The following COL19A1 variants were observed in gnomAD, a reference collection of about 807,000 sequenced individuals.
COL19A1 encodes collagen type XIX alpha 1 chain.
COL19A1 carries 159 observed loss-of-function variants against 190.2 expected under a neutral mutation model. The observed-to-expected ratio is 0.84, with a 90% CI of 0.73 to 0.95. The LOEUF is 0.95. Ranked by LOEUF, COL19A1 falls within the 40% of genes least tolerant of loss-of-function variation. The pLI is 0.00. For synonymous variants in COL19A1, 509 were observed against 458.9 expected, an observed-to-expected ratio of 1.11 and a Z score of -1.39; for missense variants, 1,418 against 1,431.9, an observed-to-expected ratio of 0.99 and a Z score of 0.16.
In COL19A1 at chr6:70,182,045, A is replaced by G. The variant is rs144540005; in HGVS notation, c.2775+1522A>G. The stretch of plus-strand genomic sequence containing the variant: ...AAATCCACTGGAGCTTTTGTAGCAA[A>G]TAATGAAAATGATTGAACATTTTGA... On this transcript the variant is annotated intron_variant, in intron 44 of 50. Coordinates refer to ENST00000620364, the MANE Select transcript of COL19A1 (RefSeq NM_001858.6). 6.6e-5 allele frequency among the ~76,000 whole-genome samples: 10 copies of G among 152,380 alleles called. No homozygotes were observed. The East Asian group carries it at 1.9e-3, about 29-fold the overall frequency.
rs1041653577 is a variant in COL19A1, at chr6:70,034,267, C to T, written c.1103C>T (p.Pro368Leu). ...GENGLKGDLG[P>L]HGPPGPKGEK... ...CAGGGTTTGAAAGGTGACTTGGGTC[C>T]TCATGGTCCACCTGGCCCAAAAGGA... The change falls in exon 13 of 51, where the codon CCT becomes CTT. Residue 368 changes from proline (P) to leucine (L), a missense_variant. Transcript: ENST00000620364. The T allele has an allele frequency of 6.2e-6, 10 of 1,612,928 alleles. No individual in the cohort carries two copies. The highest frequency in any genetic ancestry group is 2.2e-5 in the South Asian group (2 of 91,054).
At chr6:70,151,965 T>G in intron 31 of COL19A1, among the ~76,000 whole-genome samples, 1 of 152,030 alleles carries the variant, frequency 6.6e-6, no homozygotes, top group East Asian at 1.9e-4. Flanking sequence ...GTTACTCTGT[T>G]CAATAAAAAT....
chr6:69,973,260 T>C (rs867028949), intron 11 of COL19A1, among the ~76,000 whole-genome samples: 19 of 152,272 alleles, frequency 1.2e-4, no homozygotes, highest in Middle Eastern at 6.8e-3. Context: ...TAGCTTTTGG[T>C]CTTCCCTTTC....
At chr6:70,178,910 G>A (rs963741198) in intron 42 of COL19A1, among the ~76,000 whole-genome samples, 4 of 152,136 alleles carry the variant, frequency 2.6e-5, no homozygotes, top group South Asian at 4.1e-4. Context: ...TGGGGCCTCC[G>A]GTCAGCATGC....
At chr6:70,151,213 A>G (rs890348639) in intron 30 of COL19A1, among the ~76,000 whole-genome samples, 184 bp from the exon 31 acceptor site, 2 of 152,178 alleles carry the variant, frequency 1.3e-5, no homozygotes, top group African/African-American at 4.8e-5. Flanking sequence ...ATTTGTTCTG[A>G]ATTCTATCAG....
chr6:70,094,734 T>G (rs990044204), intron 15 of COL19A1, among the ~76,000 whole-genome samples: 2 of 152,192 alleles, frequency 1.3e-5, no homozygotes, highest in African/African-American at 4.8e-5. Context: ...ATTAGGTTAT[T>G]TTTACTGTTG....
chr6:69,903,038 A>T (rs1481349460), intron 4 of COL19A1, among the ~76,000 whole-genome samples: 1 of 152,200 alleles, frequency 6.6e-6, no homozygotes, highest in Non-Finnish European at 1.5e-5. Flanking sequence ...TCAGTGACTA[A>T]CTAGCTAATT....
At chr6:70,121,088 G>T (rs994745763) in intron 16 of COL19A1, among the ~76,000 whole-genome samples, 2 of 152,090 alleles carry the variant, frequency 1.3e-5, no homozygotes, top group African/African-American at 4.8e-5. Context: ...TTGAGTTCTG[G>T]ATGAAATGTG....
At chr6:70,038,576 A>C (rs1307869343) in intron 14 of COL19A1, among the ~76,000 whole-genome samples, 1 of 152,200 alleles carries the variant, frequency 6.6e-6, no homozygotes, top group Non-Finnish European at 1.5e-5. Context: ...AAATGGAGAG[A>C]ATTAGGGCTA....
At chr6:69,996,996 T>A (rs1032698777) in intron 11 of COL19A1, among the ~76,000 whole-genome samples, 6 of 133,584 alleles carry the variant, frequency 4.5e-5, no homozygotes, top group African/African-American at 1.9e-4. Context: ...TACGTATGTG[T>A]GTGTGTGTTT....
At chr6:69,868,706 A>T (rs1253542701) in intron 1 of COL19A1, among the ~76,000 whole-genome samples, 1 of 152,246 alleles carries the variant, frequency 6.6e-6, no homozygotes, top group Non-Finnish European at 1.5e-5. Context: ...TCATCTCTAT[A>T]TCTGAATCAT....
chr6:69,945,121 G>A (rs924159676), intron 9 of COL19A1, among the ~76,000 whole-genome samples: 1 of 151,916 alleles, frequency 6.6e-6, no homozygotes, highest in Non-Finnish European at 1.5e-5. Context: ...TTGAACCTGA[G>A]GGGAAGTGTT....
intron 12 of COL19A1, among the ~76,000 whole-genome samples, chr6:70,024,616 G>GTGTGT (rs1562096140): frequency 9.2e-5 from 11 of 120,112 alleles, no homozygotes; most frequent in East Asian, 3.0e-4. Flanking sequence ...TGTGTGTGTG[G>GTGTGT]GTGTGTGGGT....
chr6:70,003,891 T>C (rs1443367405), intron 11 of COL19A1, among the ~76,000 whole-genome samples: 4 of 152,222 alleles, frequency 2.6e-5, no homozygotes, highest in African/African-American at 9.6e-5. Flanking sequence ...AGTATTGTTA[T>C]GTGTGAATTT....
intron 7 of COL19A1, 51 bp downstream of exon 7, chr6:69,932,914 T>C (rs1273698603): frequency 8.1e-7 from 1 of 1,232,928 alleles, no homozygotes; most frequent in Non-Finnish European, 1.2e-6. Flanking sequence ...AATTATCTTT[T>C]AGTGGCATAG....
Position 70,027,649 on chromosome 6 carries a change from A to C in COL19A1, c.1080+3969A>C, listed in dbSNP as rs566018904. 2.6e-5 allele frequency among the ~76,000 whole-genome samples: 4 copies of C among 152,274 alleles called. No individual in the cohort carries two copies. In the East Asian group the frequency reaches 7.7e-4, roughly 29 times the overall value. On this transcript the variant is annotated intron_variant, in intron 12 of 50. Coordinates refer to ENST00000620364, the MANE Select transcript of COL19A1 (RefSeq NM_001858.6). ...TATTACTAAACAAATGCATGCTCAT[A>C]TGTCCATTCTAGTTTAAATAATGCA...
chr6:70,018,200 T>C lies in COL19A1; in HGVS notation c.1027-5427T>C, dbSNP rs750857363. Among the ~76,000 whole-genome samples, 83 of 152,198 alleles carry C rather than the reference T, an allele frequency of 5.5e-4. 1 individual carries two copies. Among genetic ancestry groups the C allele is most frequent in the African/African-American group, 1.9e-3 (80 of 41,560 alleles). On this transcript the variant is annotated intron_variant, in intron 11 of 50. Coordinates refer to ENST00000620364, the MANE Select transcript of COL19A1 (RefSeq NM_001858.6). Reference sequence around the variant, plus strand: ...TAAACAGTAAGGAATAATTGTTCCATGTAGAAGAGTAAAGAATGGTTTTAA... The same window carrying C: ...TAAACAGTAAGGAATAATTGTTCCACGTAGAAGAGTAAAGAATGGTTTTAA...
intron 16 of COL19A1, among the ~76,000 whole-genome samples, chr6:70,102,834 C>A (rs561204336): frequency 9.2e-5 from 14 of 152,296 alleles, no homozygotes; most frequent in African/African-American, 3.1e-4. Context: ...TGGTCACCAA[C>A]AATCTCTGCA....
intron 42 of COL19A1, among the ~76,000 whole-genome samples, chr6:70,177,100 G>C (rs150182517): frequency 1.3e-4 from 20 of 151,940 alleles, no homozygotes; most frequent in Admixed American, 9.2e-4. Flanking sequence ...TCTCATCAAG[G>C]CCTTTTCAAA....
Sources: gnomAD v4.1 joint callset for allele counts (sites outside exome capture counted in the v4.1 genomes callset) on GRCh38, gnomAD v4.1.1 for gene constraint, MANE v1.5 for transcripts, NCBI Gene and HGNC (gene_info 2026-07-23, HGNC 2026-07-21) for gene names.